ADAM12: variants seen among roughly 807,000 people sequenced by gnomAD.
ADAM12 encodes the protein ADAM metallopeptidase domain 12.
In ADAM12, 70 loss-of-function variants were observed where a neutral mutation model predicts 106.4. The observed-to-expected ratio is 0.66, with a 90% CI of 0.54 to 0.80. The LOEUF (loss-of-function observed/expected upper bound fraction) is 0.80. Among genes scored for constraint, ADAM12 ranks in the 30% least tolerant of loss-of-function variants. The probability of loss-of-function intolerance (pLI) is 0.00; values close to 1 mark genes in which losing one functional copy is unlikely to be tolerated. For missense variants in ADAM12, 1,010 were observed against 1,171.9 expected (o/e 0.86, Z 2.02); for synonymous variants, 420 against 433.5 (o/e 0.97, Z 0.39).
At chr10:126,342,068 C>T (rs574467386) in intron 1 of ADAM12, among the ~76,000 whole-genome samples, 12 of 152,278 alleles carry the variant, frequency 7.9e-5, no homozygotes, top group Admixed American at 1.3e-4. Flanking sequence ...GCCCCATGCC[C>T]GACAGCAGGA....
chr10:126,191,175 T>C (rs1957494337), intron 3 of ADAM12, among the ~76,000 whole-genome samples: 1 of 151,810 alleles, frequency 6.6e-6, no homozygotes, highest in Non-Finnish European at 1.5e-5. Context: ...CTAATTTTTG[T>C]ATTTTTAGTA....
intron 3 of ADAM12, among the ~76,000 whole-genome samples, chr10:126,194,995 T>C (rs1234456690): frequency 1.3e-5 from 2 of 152,128 alleles, no homozygotes; most frequent in Non-Finnish European, 2.9e-5. Context: ...ATGATTGTAG[T>C]ATTAAAAAAT....
At chr10:126,273,738 CATAAT>C (rs1013486027) in intron 3 of ADAM12, among the ~76,000 whole-genome samples, 6 of 152,126 alleles carry the variant, frequency 3.9e-5, no homozygotes, top group Non-Finnish European at 7.3e-5. Flanking sequence ...TGAAACAGAA[CATAAT>C]ATAATTCGGT....
chr10:126,060,534 G>A (rs76683653), intron 14 of ADAM12, among the ~76,000 whole-genome samples: 23 of 152,204 alleles, frequency 1.5e-4, no homozygotes, highest in African/African-American at 4.6e-4. Flanking sequence ...CAGTGCATAC[G>A]TGATCCAGAT....
intron 11 of ADAM12, among the ~76,000 whole-genome samples, chr10:126,072,295 T>G (rs2133500948): frequency 6.6e-6 from 1 of 152,178 alleles, no homozygotes; most frequent in Non-Finnish European, 1.5e-5. Context: ...AACAACCGGG[T>G]GTGGCAGGGT....
intron 3 of ADAM12, among the ~76,000 whole-genome samples, chr10:126,163,132 T>C (rs1318368503): frequency 6.6e-6 from 1 of 152,318 alleles, no homozygotes; most frequent in East Asian, 1.9e-4. Flanking sequence ...CAGATGCCGA[T>C]GCTATGCTTC....
chr10:126,043,623 G>A lies in ADAM12; in HGVS notation c.1996-475C>T, dbSNP rs1200741491. Reference sequence around the variant, plus strand: ...AGGCTCAGAGAGGCTGGTGACTGCCGGGTCCCACGCCAGGCTGGGGTCCGA... The same window carrying A: ...AGGCTCAGAGAGGCTGGTGACTGCCAGGTCCCACGCCAGGCTGGGGTCCGA... On this transcript the variant is annotated intron_variant, in intron 17 of 22. Transcript: ENST00000448723. This position sits in a 1 kb window ranked among gnomAD's most constrained non-coding sequence, Gnocchi z 4.1. Among the ~76,000 whole-genome samples, 8 of 152,188 alleles carry A rather than the reference G, an allele frequency of 5.3e-5. No individual in the cohort carries two copies. The East Asian group carries it at 5.8e-4, about 11-fold the overall frequency.
chr10:126,279,733 AAC>A (rs72415431), intron 2 of ADAM12, among the ~76,000 whole-genome samples: 113,821 of 148,398 alleles, frequency 0.77, 44,989 homozygotes, highest in Non-Finnish European at 0.87. Flanking sequence ...GTCTCAAAAA[AAC>A]AAAAAAAGAA....
chr10:126,276,795 T>A (rs1359052023), intron 3 of ADAM12, among the ~76,000 whole-genome samples: 1 of 152,232 alleles, frequency 6.6e-6, no homozygotes, highest in Non-Finnish European at 1.5e-5. Flanking sequence ...TTTGAGATTA[T>A]CTCATGAAAG....
intron 16 of ADAM12, among the ~76,000 whole-genome samples, chr10:126,048,467 C>T (rs1364198785): frequency 6.6e-6 from 1 of 152,098 alleles, no homozygotes; most frequent in Non-Finnish European, 1.5e-5. Flanking sequence ...GGGCCAAAGA[C>T]AGGAGAGTGG....
At chr10:126,110,382 A>C (rs1278302) in intron 6 of ADAM12, among the ~76,000 whole-genome samples, 81,316 of 151,758 alleles carry the variant, frequency 0.54, 22,790 homozygotes, top group African/African-American at 0.7. Context: ...TTTAAATGAT[A>C]ATGTAAAAAT....
chr10:126,145,737 T>C (rs1329579227), intron 4 of ADAM12, among the ~76,000 whole-genome samples: 1 of 152,218 alleles, frequency 6.6e-6, no homozygotes, highest in African/African-American at 2.4e-5. Flanking sequence ...CAACAGAATA[T>C]ATGAAAAGTT....
rs1432080601 is a variant in ADAM12 at position 126,164,381 on chromosome 10, T to C, written c.261-9076A>G. On this transcript the variant is annotated intron_variant, in intron 3 of 22. Transcript: ENST00000448723. ...GATTTCTTCTTCCTGGTGGATCCAT[T>C]TGGTATTCGAACAAAGCATCCAACC... Among the ~76,000 whole-genome samples, 3 of 152,176 alleles carry C rather than the reference T, an allele frequency of 2.0e-5. No homozygotes were observed. In the South Asian group the frequency reaches 6.2e-4, roughly 32 times the overall value.
At chr10:126,150,238 G>T (rs960709443) in intron 4 of ADAM12, among the ~76,000 whole-genome samples, 1 of 152,104 alleles carries the variant, frequency 6.6e-6, no homozygotes, top group African/African-American at 2.4e-5. Context: ...TGCTGAGTCT[G>T]AAAACATATT....
chr10:126,271,870 G>A (rs184683875), intron 3 of ADAM12, among the ~76,000 whole-genome samples: 2 of 152,266 alleles, frequency 1.3e-5, no homozygotes, highest in Non-Finnish European at 2.9e-5. Flanking sequence ...TCCTTATCAG[G>A]ACACACAACC....
intron 1 of ADAM12, among the ~76,000 whole-genome samples, chr10:126,356,175 GACTCCACCTAACCCC>G (rs2133894629): frequency 6.6e-6 from 1 of 152,294 alleles, no homozygotes; most frequent in Non-Finnish European, 1.5e-5. Flanking sequence ...CCTGAGCAAT[GACTCCACCTAACCCC>G]AGGGAACCTC....
chr10:126,287,864 C>T (rs1959945838), intron 2 of ADAM12, among the ~76,000 whole-genome samples: 1 of 152,058 alleles, frequency 6.6e-6, no homozygotes, highest in African/African-American at 2.4e-5. Flanking sequence ...TACAGTCTAT[C>T]TCCCTCGGCA....
chr10:126,015,395 A>ATG lies in ADAM12; in HGVS notation c.*1882_*1883dup, dbSNP rs1203821872. On this transcript the variant is annotated 3_prime_UTR_variant, in exon 23 of 23. Transcript: ENST00000448723. ...TGTAAACCTTTTTAATAGTATATAT[A>ATG]TGTTTGGCTTTAGTACAATTACCAA... The ATG allele has an allele frequency of 9.2e-5, 14 of 152,222 alleles. No individual in the cohort carries two copies. Among genetic ancestry groups the ATG allele is most frequent in the Admixed American group, 8.5e-4 (13 of 15,276 alleles). The allele number at this position is 152,222 out of a possible 1,614,324, so 9.4% of individuals were successfully genotyped here. A position where few individuals can be genotyped will look rare whatever the true frequency, so the allele number is the denominator to read the frequency against.
At chr10:126,214,015 C>T (rs766061659) in intron 3 of ADAM12, among the ~76,000 whole-genome samples, 4 of 152,170 alleles carry the variant, frequency 2.6e-5, no homozygotes, top group Non-Finnish European at 5.9e-5. Flanking sequence ...AATTTTATAA[C>T]GTGACCCAAT....
Sources: allele counts gnomAD v4.1 joint callset (sites outside exome capture counted in the v4.1 genomes callset), GRCh38; gene constraint gnomAD v4.1.1; non-coding constraint Gnocchi (gnomAD v3.1); transcripts MANE v1.5; gene names NCBI Gene and HGNC (gene_info 2026-07-23, HGNC 2026-07-21).